CUBN: variants seen among roughly 807,000 people sequenced by gnomAD.
The protein encoded by CUBN is cubilin, also known as 460 kDa receptor.
CUBN carries 282 observed loss-of-function variants against 405.3 expected under a neutral mutation model. That is an observed-to-expected ratio of 0.70 (90% CI 0.63 to 0.77). The LOEUF (loss-of-function observed/expected upper bound fraction) is 0.77. CUBN is among the 30% of genes least tolerant of loss of function. CUBN has a pLI of 0.00. For missense variants in CUBN, 4,514 were observed against 4,475.2 expected (o/e 1.01, Z -0.25); for synonymous variants, 1,684 against 1,617.0 (o/e 1.04, Z -0.99).
At chr10:16,928,004 G>A (rs1284919134) in intron 41 of CUBN, among the ~76,000 whole-genome samples, 153 bp downstream of exon 41, 1 of 152,150 alleles carries the variant, frequency 6.6e-6, no homozygotes, top group Non-Finnish European at 1.5e-5. Context: ...TGATGTAAGG[G>A]GAGCCAGCCA....
intron 39 of CUBN, among the ~76,000 whole-genome samples, chr10:16,936,873 C>T (rs1376594436): frequency 2.0e-5 from 3 of 152,080 alleles, no homozygotes; most frequent in South Asian, 4.2e-4. Context: ...CGCTCCACCA[C>T]GCCCAGCTAA....
At chr10:16,872,500 G>T (rs763085378) in intron 58 of CUBN, among the ~76,000 whole-genome samples, 1 of 152,056 alleles carries the variant, frequency 6.6e-6, no homozygotes, top group Non-Finnish European at 1.5e-5. Flanking sequence ...GCCTATGGGA[G>T]GTGATTAGGT....
rs1836721927 is a variant in CUBN at position 17,109,652 on chromosome 10, A to G, written c.1099T>C (p.Ser367Pro). ...NGGCHPDASC[S>P]STLGSLPLCT... The stretch of plus-strand genomic sequence containing the variant: ...GATGAGTCATTACCTAGAGTTGAGG[A>G]GCATGAGGCATCTGGGTGGCAGCCT... Residue 367 changes from serine to proline, a missense_variant, in exon 10 of 67, where the codon TCC becomes CCC. Coordinates refer to ENST00000377833, the MANE Select transcript of CUBN (RefSeq NM_001081.4). The G allele has an allele frequency of 1.2e-6, 2 of 1,613,630 alleles. No individual in the cohort carries two copies. Among genetic ancestry groups the G allele is most frequent in the African/African-American group, 2.7e-5 (2 of 75,016 alleles).
intron 28 of CUBN, among the ~76,000 whole-genome samples, chr10:16,991,203 G>A (rs981067261): frequency 5.3e-5 from 8 of 152,162 alleles, no homozygotes; most frequent in South Asian, 4.1e-4. Context: ...TGTAGCCTGC[G>A]GCACACAGTA....
At chr10:16,975,624 C>CTTTT (rs199779818) in intron 31 of CUBN, among the ~76,000 whole-genome samples, 1,398 of 124,000 alleles carry the variant, frequency 0.011, 5 homozygotes, top group Non-Finnish European at 0.017. Flanking sequence ...TAAAGACCTT[C>CTTTT]TTTTTTTTTT....
chr10:16,843,654 G>C (rs1189209029), intron 60 of CUBN, among the ~76,000 whole-genome samples: 1 of 152,066 alleles, frequency 6.6e-6, no homozygotes, highest in African/African-American at 2.4e-5. Flanking sequence ...ATTTATATTA[G>C]CAAGCATTTT....
At chr10:16,907,468 C>G (rs1841584882) in intron 49 of CUBN, 40 bp downstream of exon 49, 1 of 1,609,166 alleles carries the variant, frequency 6.2e-7, no homozygotes, top group African/African-American at 1.3e-5. Context: ...CTGCAGTGCC[C>G]CTGATTAAAA....
intron 62 of CUBN, among the ~76,000 whole-genome samples, chr10:16,837,942 G>A (rs1839222842): frequency 6.6e-6 from 1 of 152,126 alleles, no homozygotes. Context: ...CCCGCTGAGT[G>A]GTCCACCCTG....
At chr10:16,992,801 C>T (rs1200532989) in intron 28 of CUBN, among the ~76,000 whole-genome samples, 1 of 152,140 alleles carries the variant, frequency 6.6e-6, no homozygotes, top group Non-Finnish European at 1.5e-5. Flanking sequence ...GCTTTTATTT[C>T]TAAAGCCTAC....
At chr10:17,025,092 T>C (rs146299870) in intron 27 of CUBN, among the ~76,000 whole-genome samples, 2 of 152,340 alleles carry the variant, frequency 1.3e-5, no homozygotes, top group East Asian at 3.9e-4. Context: ...GCAAATTCCA[T>C]AAAACCTCTA....
At chr10:16,873,459 T>C (rs1203962368) in intron 58 of CUBN, among the ~76,000 whole-genome samples, 2 of 152,106 alleles carry the variant, frequency 1.3e-5, no homozygotes, top group Non-Finnish European at 2.9e-5. Context: ...CGGTGGCTCA[T>C]GCCTGTAATC....
intron 65 of CUBN, among the ~76,000 whole-genome samples, 176 bp from the exon 66 acceptor site, chr10:16,829,216 CCT>C (rs1327309088): frequency 1.3e-5 from 2 of 152,052 alleles, no homozygotes; most frequent in Admixed American, 6.6e-5. Flanking sequence ...CCTCTCTTCC[CCT>C]CTCTTCCCAC....
intron 28 of CUBN, among the ~76,000 whole-genome samples, chr10:17,005,995 T>C (rs951683686): frequency 5.3e-5 from 8 of 152,096 alleles, no homozygotes; most frequent in African/African-American, 1.9e-4. Flanking sequence ...GAAAACACCA[T>C]GTGAGGACAC....
chr10:16,944,676 G>A (rs1842733133), intron 36 of CUBN, among the ~76,000 whole-genome samples: 1 of 152,226 alleles, frequency 6.6e-6, no homozygotes. Flanking sequence ...AAGTAACTCA[G>A]AGGAATCAAA....
chr10:16,977,341 T>C (rs1833128726), intron 31 of CUBN, among the ~76,000 whole-genome samples: 2 of 151,762 alleles, frequency 1.3e-5, no homozygotes. Flanking sequence ...GCTTCAAAAG[T>C]AGACAAGCAG....
chr10:16,959,353 C>T (rs558022008), intron 31 of CUBN, among the ~76,000 whole-genome samples: 138 of 152,154 alleles, frequency 9.1e-4, no homozygotes, highest in African/African-American at 3.3e-3. Context: ...TCTCAGGCTT[C>T]GTGTGGTGGT....
chr10:17,019,791 A>C (rs1220851368), intron 28 of CUBN, 42 bp downstream of exon 28: 2 of 1,613,760 alleles, frequency 1.2e-6, no homozygotes, highest in Middle Eastern at 1.7e-4. Flanking sequence ...TTCTTGGCCA[A>C]ATAGCAACTG....
chr10:16,978,573 A>G (rs1042726411), intron 31 of CUBN, among the ~76,000 whole-genome samples: 1 of 152,214 alleles, frequency 6.6e-6, no homozygotes, highest in Non-Finnish European at 1.5e-5. Flanking sequence ...ATTAAAATGG[A>G]CTACTTGGAA....
chr10:16,840,705 C>T (rs1839320840), intron 61 of CUBN, among the ~76,000 whole-genome samples, 170 bp from the exon 62 acceptor site: 1 of 152,004 alleles, frequency 6.6e-6, no homozygotes, highest in East Asian at 1.9e-4. Flanking sequence ...CAAATTTGTA[C>T]CACAGATTAA....
Sources: gnomAD v4.1 joint callset for allele counts (sites outside exome capture counted in the v4.1 genomes callset) on GRCh38, gnomAD v4.1.1 for gene constraint, MANE v1.5 for transcripts, NCBI Gene and HGNC (gene_info 2026-07-23, HGNC 2026-07-21) for gene names.